The following PHIP variants were observed in gnomAD, a reference collection of about 807,000 sequenced individuals.
PHIP encodes the protein PH-interacting protein.
A neutral mutation model predicts 236.8 loss-of-function variants in PHIP; 54 were observed. That is an observed-to-expected ratio of 0.23 (90% confidence interval 0.18 to 0.29). The LOEUF is 0.29. Ranked by LOEUF, PHIP falls within the 10% of genes least tolerant of loss-of-function variation. The probability of loss-of-function intolerance (pLI) is 1.00; values close to 1 mark genes in which losing one functional copy is unlikely to be tolerated. For synonymous variants in PHIP, 756 were observed against 718.9 expected (o/e 1.05, Z -0.83); for missense variants, 1,370 against 2,190.8 (o/e 0.63, Z 7.48).
At chr6:79,000,772 G>C (rs965494701) in intron 17 of PHIP, among the ~76,000 whole-genome samples, 2 of 151,942 alleles carry the variant, frequency 1.3e-5, no homozygotes, top group Non-Finnish European at 2.9e-5. Context: ...CTTATTCTTT[G>C]AGTTCATGCT....
At chr6:79,053,449 C>A (rs1403948170) in intron 6 of PHIP, among the ~76,000 whole-genome samples, 1 of 152,160 alleles carries the variant, frequency 6.6e-6, no homozygotes, top group African/African-American at 2.4e-5. Context: ...ACAATCAAAT[C>A]TTCATGTGCC....
At chr6:79,010,678 G>T in intron 15 of PHIP, among the ~76,000 whole-genome samples, 1 of 151,718 alleles carries the variant, frequency 6.6e-6, no homozygotes, top group East Asian at 1.9e-4. Context: ...ATAGAGAAAA[G>T]AAAGAGTAAG....
chr6:79,040,545 A>G (rs1025328324), intron 7 of PHIP, among the ~76,000 whole-genome samples: 12 of 152,148 alleles, frequency 7.9e-5, no homozygotes, highest in African/African-American at 2.9e-4. Context: ...TTCACTGGTC[A>G]ATCATGATCT....
intron 36 of PHIP, among the ~76,000 whole-genome samples, chr6:78,947,269 C>T (rs1773872551): frequency 6.6e-6 from 1 of 152,142 alleles, no homozygotes; most frequent in African/African-American, 2.4e-5. Context: ...CATGTCTGGT[C>T]AGAGTGTTAA....
chr6:79,054,392 T>A (rs970171848), intron 6 of PHIP, among the ~76,000 whole-genome samples: 18 of 145,458 alleles, frequency 1.2e-4, no homozygotes, highest in Middle Eastern at 3.7e-3. Flanking sequence ...AAATTATGAC[T>A]AGAAAAACAG....
intron 25 of PHIP, 23 bp from the exon 26 acceptor site, chr6:78,970,196 G>C (rs1422145463): frequency 1.9e-6 from 3 of 1,599,374 alleles, no homozygotes; most frequent in Admixed American, 1.7e-5. Flanking sequence ...GAGAATATAA[G>C]GAACCATCTT....
rs2127675928 is a variant in PHIP, at chr6:78,939,333, A to G, written c.*1360T>C. On this transcript the variant is annotated 3_prime_UTR_variant, in exon 40 of 40. Coordinates refer to ENST00000275034, the MANE Select transcript of PHIP (RefSeq NM_017934.7). ...AATGGAGTTTTTCTTTAGGGTGTAT[A>G]TTGACATACCAGCATGATAAGGATA... The G allele has an allele frequency of 6.6e-6, 1 of 151,882 alleles. No individual in the cohort carries two copies. The highest frequency in any genetic ancestry group is 2.4e-5 in the African/African-American group (1 of 41,540). 9.4% of individuals were successfully genotyped at this position (151,882 alleles called of 1,614,324 possible). A position where few individuals can be genotyped will look rare whatever the true frequency, so the allele number is the denominator to read the frequency against.
intron 24 of PHIP, among the ~76,000 whole-genome samples, chr6:78,974,183 AC>A (rs1172047836): frequency 6.6e-6 from 1 of 152,220 alleles, no homozygotes; most frequent in Admixed American, 6.5e-5. Context: ...TATCTCTCAG[AC>A]CACAGAGCAA....
At chr6:79,030,625 C>T (rs981880869) in intron 7 of PHIP, among the ~76,000 whole-genome samples, 1 of 152,114 alleles carries the variant, frequency 6.6e-6, no homozygotes, top group African/African-American at 2.4e-5. Flanking sequence ...TTAGCCAGAT[C>T]CTGCTAATGT....
At chr6:79,064,473 C>G (rs916692305) in intron 4 of PHIP, among the ~76,000 whole-genome samples, 1 of 152,306 alleles carries the variant, frequency 6.6e-6, no homozygotes, top group Admixed American at 6.5e-5. Flanking sequence ...CACTAGCTCC[C>G]ACACTCATGA....
At chr6:78,975,166 T>G (rs1767954391) in intron 24 of PHIP, among the ~76,000 whole-genome samples, 1 of 151,806 alleles carries the variant, frequency 6.6e-6, no homozygotes, top group African/African-American at 2.4e-5. Flanking sequence ...ATCAAAAAGC[T>G]TATCCACCAT....
rs1771395413 is a variant in PHIP, at chr6:79,026,265, A to G, written c.601-101T>C. On this transcript the variant is annotated intron_variant, in intron 7 of 39. Transcript: ENST00000275034. ...CTGTTCTGTCCACTTCTGAACAAGT[A>G]TATTTTTAAATACCAAAAAGTGTTA... 9 of 823,476 alleles carry G rather than the reference A, an allele frequency of 1.1e-5. No individual in the cohort carries two copies. The South Asian group carries it at 1.5e-4, about 13-fold the overall frequency. 51.0% of individuals were successfully genotyped at this position (823,476 alleles called of 1,614,324 possible). A position where few individuals can be genotyped will look rare whatever the true frequency, so the allele number is the denominator to read the frequency against.
chr6:79,073,244 A>G (rs1773983099), intron 4 of PHIP, among the ~76,000 whole-genome samples: 1 of 152,172 alleles, frequency 6.6e-6, no homozygotes, highest in African/African-American at 2.4e-5. Context: ...ATATGTAAGA[A>G]AGAATGAAGA....
Position 78,945,444 on chromosome 6 carries a change from C to G in PHIP, c.4684G>C (p.Gly1562Arg). The change falls in exon 39 of 40, where the codon GGT becomes CGT. Residue 1562 changes from glycine (G) to arginine (R), a missense_variant. Coordinates refer to ENST00000275034, the MANE Select transcript of PHIP (RefSeq NM_017934.7). ...GTGCCATGACTAAAACTGGATTGAC[C>G]AGGACTGGAAAGAGTATTCAAAGCT... ...SKALNTLSSP[G>R]QSSFSHGTRN... 6.2e-7 allele frequency: 1 copy of G among 1,611,342 alleles called. No individual in the cohort carries two copies. The highest frequency in any genetic ancestry group is 1.7e-4 in the Middle Eastern group (1 of 6,058).
intron 30 of PHIP, 69 bp downstream of exon 30, chr6:78,963,028 A>G: frequency 7.1e-7 from 1 of 1,417,736 alleles, no homozygotes; most frequent in African/African-American, 1.5e-5. Flanking sequence ...TTTGTTGGAG[A>G]ATAACAGTAT....
chr6:79,022,326 T>G (rs1771160637), intron 9 of PHIP, among the ~76,000 whole-genome samples: 1 of 152,226 alleles, frequency 6.6e-6, no homozygotes, highest in Non-Finnish European at 1.5e-5. Context: ...TAAATATTAG[T>G]ATTTTTATTA....
rs143592196 is a variant in PHIP at position 79,027,915 on chromosome 6, G to C, written c.601-1751C>G. Reference sequence around the variant, plus strand: ...ATTTCTCACCTATGCGTACCTCATAGGATTGTCACAAAACTAAATGAGGGT... The same window carrying C: ...ATTTCTCACCTATGCGTACCTCATACGATTGTCACAAAACTAAATGAGGGT... On this transcript the variant is annotated intron_variant, in intron 7 of 39. Coordinates refer to ENST00000275034, the MANE Select transcript of PHIP (RefSeq NM_017934.7). 6.4e-4 allele frequency among the ~76,000 whole-genome samples: 97 copies of C among 152,218 alleles called. 1 individual carries two copies. The South Asian group carries it at 8.1e-3, about 13-fold the overall frequency.
At chr6:79,028,635 A>C (rs920236246) in intron 7 of PHIP, among the ~76,000 whole-genome samples, 1 of 152,246 alleles carries the variant, frequency 6.6e-6, no homozygotes, top group African/African-American at 2.4e-5. Flanking sequence ...TCACAAATTG[A>C]ATCAACATAT....
intron 6 of PHIP, among the ~76,000 whole-genome samples, chr6:79,059,591 T>TATATATA (rs1773252029): frequency 1.2e-5 from 1 of 84,736 alleles, no homozygotes; most frequent in Non-Finnish European, 2.3e-5. Context: ...GAAAGCAAAA[T>TATATATA]TATATATATA....
Sources: gnomAD v4.1 joint callset for allele counts (sites outside exome capture counted in the v4.1 genomes callset) on GRCh38, gnomAD v4.1.1 for gene constraint, MANE v1.5 for transcripts, NCBI Gene and HGNC (gene_info 2026-07-23, HGNC 2026-07-21) for gene names.